The following GPHN variants were observed in gnomAD, a reference collection of about 807,000 sequenced individuals.
GPHN encodes the protein gephyrin.
Under a neutral mutation model 95.5 loss-of-function variants are expected in GPHN, and 17 were observed. The ratio of observed to expected loss-of-function variants is 0.18; its 90% CI spans 0.12 to 0.27. The LOEUF is 0.27. GPHN is among the 10% of genes least tolerant of loss of function. The pLI is 1.00. For missense variants in GPHN, 660 were observed against 978.1 expected (o/e 0.67, Z 4.34); for synonymous variants, 320 against 322.5 (o/e 0.99, Z 0.08).
chr14:67,517,157 A>C, the GPHN span, among the ~76,000 whole-genome samples: 17 of 152,324 alleles, frequency 1.1e-4, no homozygotes, highest in African/African-American at 4.1e-4. Context: ...CACGCTGGCA[A>C]GAAGCAGCTA....
chr14:67,529,136 C>A, the GPHN span, among the ~76,000 whole-genome samples: 1 of 152,098 alleles, frequency 6.6e-6, no homozygotes, highest in Non-Finnish European at 1.5e-5. Context: ...GAGGCAGGCC[C>A]TTTATCTCCA....
At chr14:67,416,809 C>T in the GPHN span, among the ~76,000 whole-genome samples, 6 of 152,170 alleles carry the variant, frequency 3.9e-5, no homozygotes, top group Non-Finnish European at 7.3e-5. Context: ...GTACTAATTC[C>T]GGGGACACTG....
chr14:67,409,473 G>A, the GPHN span, among the ~76,000 whole-genome samples: 1 of 152,118 alleles, frequency 6.6e-6, no homozygotes, highest in Non-Finnish European at 1.5e-5. Context: ...AAATCTCTAG[G>A]CCAGAGCATG....
intron 2 of GPHN, among the ~76,000 whole-genome samples, chr14:66,681,613 G>A (rs1425395886): frequency 1.3e-5 from 2 of 152,040 alleles, no homozygotes; most frequent in East Asian, 3.8e-4. Flanking sequence ...GAATATGTTA[G>A]ATATATTTCT....
chr14:66,912,668 A>G (rs1307402911), intron 5 of GPHN, among the ~76,000 whole-genome samples: 1 of 152,142 alleles, frequency 6.6e-6, no homozygotes, highest in Non-Finnish European at 1.5e-5. Flanking sequence ...AGCAGAATCC[A>G]TGTATCATCT....
chr14:66,607,547 A>T (rs980849137), intron 1 of GPHN, among the ~76,000 whole-genome samples: 8 of 151,658 alleles, frequency 5.3e-5, no homozygotes, highest in African/African-American at 1.9e-4. Context: ...CCTCCTCCTC[A>T]ATTTTTTTGA....
intron 1 of GPHN, chr14:66,508,966 C>T: frequency 3.0e-6 from 1 of 333,074 alleles, no homozygotes; most frequent in South Asian, 2.6e-5. Flanking sequence ...GGCCTGGGCG[C>T]ATCCTCCGCT....
chr14:66,668,504 C>T (rs563408409), intron 1 of GPHN, among the ~76,000 whole-genome samples: 3 of 152,244 alleles, frequency 2.0e-5, no homozygotes, highest in East Asian at 3.9e-4. Context: ...AGCTGGAAGT[C>T]ATTATCCTTA....
chr14:66,811,528 GACT>G (rs2060761549), intron 3 of GPHN, among the ~76,000 whole-genome samples: 1 of 139,234 alleles, frequency 7.2e-6, no homozygotes. Context: ...AATCACTTAA[GACT>G]ACTCTTACAT....
At chr14:67,034,745 T>C (rs2074339536) in intron 10 of GPHN, among the ~76,000 whole-genome samples, 1 of 152,020 alleles carries the variant, frequency 6.6e-6, no homozygotes, top group South Asian at 2.1e-4. Context: ...CAATTATAAA[T>C]TAAAATCCAG....
At chr14:67,086,864 C>A (rs950507459) in intron 11 of GPHN, among the ~76,000 whole-genome samples, 1 of 150,712 alleles carries the variant, frequency 6.6e-6, no homozygotes, top group Non-Finnish European at 1.5e-5. Context: ...CGGTGAAACC[C>A]CATCTCTACT....
the GPHN span, among the ~76,000 whole-genome samples, chr14:67,383,053 G>A: frequency 6.6e-6 from 1 of 151,972 alleles, no homozygotes; most frequent in African/African-American, 2.4e-5. Context: ...GTTATTTCAT[G>A]TTTTCAGTTT....
intron 1 of GPHN, among the ~76,000 whole-genome samples, chr14:66,672,348 G>T (rs569015542): frequency 6.6e-6 from 1 of 152,264 alleles, no homozygotes; most frequent in East Asian, 1.9e-4. Flanking sequence ...TTTGGTGAAT[G>T]TTCCATGTTA....
chr14:66,552,183 C>G (rs750495365), intron 1 of GPHN, among the ~76,000 whole-genome samples: 1 of 152,110 alleles, frequency 6.6e-6, no homozygotes, highest in Non-Finnish European at 1.5e-5. Context: ...GGTTTTTATT[C>G]TGTATAATCA....
chr14:66,766,524 T>C (rs2058967973), intron 2 of GPHN, among the ~76,000 whole-genome samples: 1 of 151,834 alleles, frequency 6.6e-6, no homozygotes, highest in Non-Finnish European at 1.5e-5. Context: ...CATTAGAAAA[T>C]GCCACATTGA....
intron 5 of GPHN, among the ~76,000 whole-genome samples, chr14:66,884,206 T>C (rs1167922230): frequency 1.3e-5 from 2 of 152,090 alleles, no homozygotes; most frequent in Non-Finnish European, 2.9e-5. Context: ...CTTTGGGTGC[T>C]AACACTGTCA....
intron 2 of GPHN, among the ~76,000 whole-genome samples, chr14:66,732,776 AATTGCTGGGG>A (rs1452168092): frequency 2.0e-5 from 3 of 152,226 alleles, no homozygotes; most frequent in Admixed American, 2.0e-4. Context: ...CGGCCTCCCA[AATTGCTGGGG>A]TTACAGGAAT....
At chr14:67,163,567 T>C (rs1433247716) in intron 19 of GPHN, among the ~76,000 whole-genome samples, 1 of 152,134 alleles carries the variant, frequency 6.6e-6, no homozygotes, top group East Asian at 1.9e-4. Flanking sequence ...AGTACTCTTG[T>C]GACCTAACAT....
intron 4 of GPHN, among the ~76,000 whole-genome samples, chr14:66,856,800 C>T (rs1017655673): frequency 2.6e-5 from 4 of 151,948 alleles, no homozygotes; most frequent in Admixed American, 6.6e-5. Flanking sequence ...AATTCAAGAA[C>T]GGTAAATTTT....
Sources: allele counts gnomAD v4.1 joint callset (sites outside exome capture counted in the v4.1 genomes callset), GRCh38; gene constraint gnomAD v4.1.1; transcripts MANE v1.5; gene names NCBI Gene and HGNC (gene_info 2026-07-23, HGNC 2026-07-21).